CYP2J2: variants seen among roughly 807,000 people sequenced by gnomAD.
The protein encoded by CYP2J2 is cytochrome P450 family 2 subfamily J member 2.
In CYP2J2, 41 loss-of-function variants were observed where a neutral mutation model predicts 48.8. The observed-to-expected ratio is 0.84, with a 90% CI of 0.66 to 1.09. The LOEUF is 1.09. CYP2J2 is among the 50% of genes least tolerant of loss of function. The pLI is 0.00. For missense variants in CYP2J2, 644 were observed against 617.3 expected, an observed-to-expected ratio of 1.04 and a Z score of -0.46; for synonymous variants, 221 against 227.1, an observed-to-expected ratio of 0.97 and a Z score of 0.24.
chr1:59,956,333 G>A, the CYP2J2 span, among the ~76,000 whole-genome samples: 1 of 152,166 alleles, frequency 6.6e-6, no homozygotes, highest in African/African-American at 2.4e-5. Context: ...ATAAGGAAGT[G>A]TGTGTTGGAT....
the CYP2J2 span, among the ~76,000 whole-genome samples, chr1:59,962,943 C>T: frequency 6.6e-6 from 1 of 152,176 alleles, no homozygotes; most frequent in Non-Finnish European, 1.5e-5. Context: ...AAGCTGACTC[C>T]ATTGAGTGAA....
upstream of CYP2J2, among the ~76,000 whole-genome samples, chr1:59,930,292 G>A (rs1005713996): frequency 5.3e-5 from 8 of 152,086 alleles, no homozygotes; most frequent in Admixed American, 4.6e-4. Flanking sequence ...GGATCATATG[G>A]TAGTTCTATT....
At chr1:59,925,608 A>C (rs11572195) in intron 1 of CYP2J2, among the ~76,000 whole-genome samples, 136 of 152,322 alleles carry the variant, frequency 8.9e-4, no homozygotes, top group African/African-American at 3.1e-3. Context: ...TAGTTTTAAC[A>C]TTCTGTGGCT....
the CYP2J2 span, among the ~76,000 whole-genome samples, chr1:59,937,555 C>A: frequency 6.6e-6 from 1 of 152,146 alleles, no homozygotes; most frequent in Non-Finnish European, 1.5e-5. Context: ...ATCTGCTTAG[C>A]GTTCTATAAT....
chr1:59,938,459 G>A, the CYP2J2 span, among the ~76,000 whole-genome samples: 1 of 152,200 alleles, frequency 6.6e-6, no homozygotes, highest in East Asian at 1.9e-4. Context: ...TCAAGGGAAG[G>A]TACTATGCCT....
the CYP2J2 span, among the ~76,000 whole-genome samples, chr1:59,963,414 A>G: frequency 6.6e-6 from 1 of 152,136 alleles, no homozygotes; most frequent in Non-Finnish European, 1.5e-5. Context: ...AAATTTGCCT[A>G]TTTTAGATAT....
Position 59,912,280 on chromosome 1 carries a change from C to T in CYP2J2, c.405G>A (p.Lys135=), listed in dbSNP as rs377563466. ...CTGTCAGAGTGAACCTTCTTTGCTCCTTCCATGCCTGGCCACTTGACATAA... is the reference window on the plus strand; with the variant it reads ...CTGTCAGAGTGAACCTTCTTTGCTCTTTCCATGCCTGGCCACTTGACATAA... ...GLIMSSGQAW[K]EQRRFTLTAL... The change falls in exon 3 of 9, where the codon AAG becomes AAA. Residue 135 remains lysine (K), a synonymous_variant. Transcript: ENST00000371204. 1 of 1,613,672 alleles carries T rather than the reference C, an allele frequency of 6.2e-7. No homozygotes were observed. The highest frequency in any genetic ancestry group is 1.3e-5 in the African/African-American group (1 of 74,890).
chr1:59,916,002 G>T lies in CYP2J2; in HGVS notation c.309C>A (p.His103Gln), dbSNP rs2229190. The T allele has an allele frequency of 1.6e-5, 26 of 1,613,906 alleles. 2 individuals are homozygous for T. The South Asian group carries it at 2.7e-4, about 17-fold the overall frequency. ...GGCGGTTCCCAAAGTTTTGGTCCAT[G>T]TGGATAAGGGCTTCTTTGATTAAGG... is the stretch of plus-strand genomic sequence containing the variant. ...GLPLIKEALIHMDQNFGNRPV... is the reference protein window; with the variant it reads ...GLPLIKEALIQMDQNFGNRPV... The change falls in exon 2 of 9, where the codon CAC (histidine) becomes CAA (glutamine). Residue 103 changes from histidine (H) to glutamine (Q), a missense_variant. Transcript: ENST00000371204.
chr1:59,965,755 TATTC>T, the CYP2J2 span, among the ~76,000 whole-genome samples: 6 of 152,088 alleles, frequency 3.9e-5, no homozygotes, highest in African/African-American at 1.4e-4. Context: ...AAGTTCAAGC[TATTC>T]TCATGTCTCA....
At chr1:59,918,949 T>C (rs1173389366) in intron 1 of CYP2J2, among the ~76,000 whole-genome samples, 3 of 152,188 alleles carry the variant, frequency 2.0e-5, no homozygotes, top group Admixed American at 2.0e-4. Context: ...GACTGAACTA[T>C]TGAACCATGG....
the CYP2J2 span, among the ~76,000 whole-genome samples, chr1:59,957,690 A>ACACACACACACAC: frequency 2.6e-5 from 4 of 151,582 alleles, no homozygotes; most frequent in Non-Finnish European, 5.9e-5. Context: ...AGACACACAC[A>ACACACACACACAC]CACACACACA....
At chr1:59,964,935 G>T in the CYP2J2 span, among the ~76,000 whole-genome samples, 3 of 152,256 alleles carry the variant, frequency 2.0e-5, no homozygotes, top group Non-Finnish European at 4.4e-5. Context: ...AGAGTCTATT[G>T]TAATAATCTA....
At chr1:59,926,228 T>C (rs1644562654) in intron 1 of CYP2J2, among the ~76,000 whole-genome samples, 1 of 152,162 alleles carries the variant, frequency 6.6e-6, no homozygotes, top group South Asian at 2.1e-4. Flanking sequence ...AGTATAGCAT[T>C]TTTAAGGACA....
chr1:59,895,592 T>G (rs541251182), intron 8 of CYP2J2, among the ~76,000 whole-genome samples: 32 of 152,308 alleles, frequency 2.1e-4, no homozygotes, highest in African/African-American at 7.7e-4. Flanking sequence ...TAAGCTGTGA[T>G]CCATTCTTTT....
intron 8 of CYP2J2, among the ~76,000 whole-genome samples, chr1:59,898,570 A>G (rs1421182798): frequency 2.0e-5 from 3 of 152,222 alleles, no homozygotes; most frequent in Non-Finnish European, 4.4e-5. Context: ...TTATGTAGCA[A>G]TATGCTAACT....
the CYP2J2 span, among the ~76,000 whole-genome samples, chr1:59,966,551 C>T: frequency 6.6e-6 from 1 of 152,176 alleles, no homozygotes. Context: ...CACTTTATGA[C>T]ACTGTTTTTG....
intron 6 of CYP2J2, among the ~76,000 whole-genome samples, chr1:59,906,002 C>T (rs377731463): frequency 2.0e-5 from 3 of 152,072 alleles, no homozygotes; most frequent in African/African-American, 2.4e-5. Context: ...CTGGCTAACA[C>T]GGTGAAATCC....
At chr1:59,916,319 T>C (rs1451651351) in intron 1 of CYP2J2, among the ~76,000 whole-genome samples, 1 of 152,164 alleles carries the variant, frequency 6.6e-6, no homozygotes, top group Non-Finnish European at 1.5e-5. Context: ...TCAGATTCAA[T>C]TCACTTCAGA....
chr1:59,965,897 C>T, the CYP2J2 span, among the ~76,000 whole-genome samples: 1 of 152,238 alleles, frequency 6.6e-6, no homozygotes, highest in South Asian at 2.1e-4. Flanking sequence ...GGTGATCCAC[C>T]TGCCTCAGCC....
Sources: allele counts gnomAD v4.1 joint callset (sites outside exome capture counted in the v4.1 genomes callset), GRCh38; gene constraint gnomAD v4.1.1; transcripts MANE v1.5; gene names NCBI Gene and HGNC (gene_info 2026-07-23, HGNC 2026-07-21).